Variants in TRPM2 observed in about 807,000 individuals in gnomAD.
TRPM2 encodes transient receptor potential cation channel subfamily M member 2, also known as estrogen-responsive element-associated gene 1 protein.
Under a neutral mutation model 174.0 loss-of-function variants are expected in TRPM2, and 161 were observed. That is an observed-to-expected ratio of 0.93 (90% CI 0.81 to 1.05). The LOEUF (loss-of-function observed/expected upper bound fraction) is 1.05, where lower values mean the gene tolerates loss of function less well. Ranked by LOEUF, TRPM2 falls within the 50% of genes least tolerant of loss-of-function variation. The pLI, the probability that TRPM2 is intolerant of heterozygous loss-of-function variation, is 0.00. For missense variants in TRPM2, 2,057 were observed against 2,038.0 expected (o/e 1.01, Z -0.18); for synonymous variants, 954 against 861.3 (o/e 1.11, Z -1.88).
At chr21:44,403,934 A>G (rs957788179) in intron 16 of TRPM2, among the ~76,000 whole-genome samples, 1 of 144,968 alleles carries the variant, frequency 6.9e-6, no homozygotes, top group African/African-American at 2.7e-5. Context: ...CATGTACACA[A>G]TATACACATA....
rs182133723 is a variant in TRPM2, at chr21:44,395,627, A to T, written c.1932+76A>T. The stretch of plus-strand genomic sequence containing the variant: ...CCAGCTGGGGAGTGTGGCTGGAGAG[A>T]GTGGCTGGAGAGCCTGAGGCCAAGT... On this transcript the variant is annotated intron_variant, in intron 12 of 31. Coordinates refer to ENST00000397928, the MANE Select transcript of TRPM2 (RefSeq NM_003307.4). 3.5e-5 allele frequency: 56 copies of T among 1,587,698 alleles called. No individual in the cohort carries two copies. In the African/African-American group the frequency reaches 6.9e-4, roughly 20 times the overall value.
chr21:44,362,965 G>C lies in TRPM2; in HGVS notation c.255-1149G>C, dbSNP rs1296348205. ...ATTTTTTAGATTTTAGTAGAGACAG[G>C]GTTTCACCATGTTGGCCATGTTGGT... On this transcript the variant is annotated intron_variant, in intron 2 of 31. Transcript: ENST00000397928. Among the ~76,000 whole-genome samples, 4 of 152,112 alleles carry C rather than the reference G, an allele frequency of 2.6e-5. No individual in the cohort carries two copies. In the East Asian group the frequency reaches 5.8e-4, roughly 22 times the overall value.
Position 44,354,529 on chromosome 21 carries a change from G to T in TRPM2, c.166-119G>T, listed in dbSNP as rs965120939. 1.2e-6 allele frequency: 1 copy of T among 857,388 alleles called. No individual in the cohort carries two copies. The highest frequency in any genetic ancestry group is 1.9e-6 in the Non-Finnish European group (1 of 522,358). The allele number at this position is 857,388 out of a possible 1,614,324, so 53.1% of individuals were successfully genotyped here. A position where few individuals can be genotyped will look rare whatever the true frequency, so the allele number is the denominator to read the frequency against. On this transcript the variant is annotated intron_variant, in intron 1 of 31. Transcript: ENST00000397928. The surrounding 1 kb of genome is among the most constrained non-coding windows in gnomAD (Gnocchi z 4.3). ...TAATCTTTGGCTCAGGGTCGCGCAG[G>T]CTTCCTTCCTTCAAGCAAATAGTGT...
intron 9 of TRPM2, among the ~76,000 whole-genome samples, chr21:44,389,511 C>T (rs2049109262): frequency 6.6e-6 from 1 of 152,138 alleles, no homozygotes; most frequent in Admixed American, 6.6e-5. Flanking sequence ...TTCCTGTGTG[C>T]TGGCAGTGGA....
chr21:44,420,685 G>A (rs544698470), intron 22 of TRPM2, among the ~76,000 whole-genome samples: 1 of 152,346 alleles, frequency 6.6e-6, no homozygotes, highest in South Asian at 2.1e-4. Flanking sequence ...CAGATGCTGG[G>A]GGAAGGTGCT....
At chr21:44,388,343 C>T (rs1424699057) in intron 9 of TRPM2, among the ~76,000 whole-genome samples, 1 of 152,026 alleles carries the variant, frequency 6.6e-6, no homozygotes, top group Non-Finnish European at 1.5e-5. Context: ...TACAAGAGGT[C>T]CCTGGAGTAG....
rs1390834072 is a variant in TRPM2 at position 44,423,628 on chromosome 21, G to T, written c.3462-17G>T. 5.0e-6 allele frequency: 8 copies of T among 1,608,450 alleles called. No homozygotes were observed. Among genetic ancestry groups the T allele is most frequent in the Non-Finnish European group, 6.8e-6 (8 of 1,178,068 alleles). On this transcript the variant is annotated splice_polypyrimidine_tract_variant and intron_variant, in intron 22 of 31. Coordinates refer to ENST00000397928, the MANE Select transcript of TRPM2 (RefSeq NM_003307.4). ...CAAGGTGTGGTGTGCGTCCAGCTCA[G>T]CTGCTTCCTCTTTCAGGGTTGACGC...
At chr21:44,409,542 G>GCGC (rs2050018235) in intron 19 of TRPM2, among the ~76,000 whole-genome samples, 1 of 147,372 alleles carries the variant, frequency 6.8e-6, no homozygotes, top group African/African-American at 2.5e-5. Context: ...AGTTTTGATC[G>GCGC]TGCTGTCTTG....
intron 11 of TRPM2, among the ~76,000 whole-genome samples, chr21:44,394,667 G>A (rs1484399200): frequency 6.6e-6 from 1 of 151,788 alleles, no homozygotes; most frequent in African/African-American, 2.4e-5. Flanking sequence ...CTTAAGTCCA[G>A]TGCGTTTATT....
chr21:44,400,233 C>T (rs2049569860), intron 14 of TRPM2, 26 bp from the exon 15 acceptor site: 8 of 1,597,984 alleles, frequency 5.0e-6, no homozygotes, highest in Non-Finnish European at 6.8e-6. Flanking sequence ...TGGGCACTGC[C>T]ATCCTGAGAC....
intron 22 of TRPM2, among the ~76,000 whole-genome samples, chr21:44,419,692 G>A (rs1276325439): frequency 6.8e-6 from 1 of 147,118 alleles, no homozygotes; most frequent in Non-Finnish European, 1.5e-5. Context: ...TCTGATGGCT[G>A]TAATGGAAGT....
rs573320087 is a variant in TRPM2, at chr21:44,441,712, G to A, written c.4407G>A (p.Ser1469=). Residue 1469 remains serine (S), a synonymous_variant, in exon 32 of 32, where the codon TCG becomes TCA. Transcript: ENST00000397928. ...RLNSNLHACD[S]GASIRWQVVD... is the part of the protein sequence containing the mutation. The stretch of plus-strand genomic sequence containing the variant: ...TCCAGAACCTGCACGCCTGCGACTC[G>A]GGGGCCTCCATCCGATGGCAGGTGG... 6.6e-5 allele frequency: 106 copies of A among 1,611,046 alleles called. 1 individual carries two copies. The South Asian group carries it at 1.0e-3, about 15-fold the overall frequency.
chr21:44,406,469 G>A, intron 18 of TRPM2, 125 bp from the exon 19 acceptor site: 1 of 1,202,062 alleles, frequency 8.3e-7, no homozygotes, highest in South Asian at 1.6e-5. Flanking sequence ...GCTCCTGGGA[G>A]CCTCCTGCAT....
Position 44,374,104 on chromosome 21 carries a change from G to A in TRPM2, c.772-1729G>A, listed in dbSNP as rs1307382900. 2.6e-5 allele frequency among the ~76,000 whole-genome samples: 4 copies of A among 151,642 alleles called. No homozygotes were observed. The East Asian group carries it at 5.8e-4, about 22-fold the overall frequency. On this transcript the variant is annotated intron_variant, in intron 5 of 31. Coordinates refer to ENST00000397928, the MANE Select transcript of TRPM2 (RefSeq NM_003307.4). Reference sequence around the variant, plus strand: ...TGGCTCACTGCAACCTCCACCTTCCGGGTTCAAGCAAATCTCCCACCTTAG... The same window carrying A: ...TGGCTCACTGCAACCTCCACCTTCCAGGTTCAAGCAAATCTCCCACCTTAG...
chr21:44,412,834 TTA>T (rs1219048697), intron 19 of TRPM2, among the ~76,000 whole-genome samples: 2 of 152,126 alleles, frequency 1.3e-5, no homozygotes, highest in African/African-American at 4.8e-5. Context: ...CAGCTCTTCT[TTA>T]TTAATATAGG....
chr21:44,400,987 C>T (rs1343860572), intron 15 of TRPM2, among the ~76,000 whole-genome samples: 1 of 152,198 alleles, frequency 6.6e-6, no homozygotes, highest in Non-Finnish European at 1.5e-5. Context: ...GGCTGAGCCC[C>T]TTCTGCAACC....
chr21:44,353,408 G>A (rs542019590), upstream of TRPM2: 275 of 264,048 alleles, frequency 1.0e-3, 1 homozygote, highest in African/African-American at 5.4e-3. Context: ...CATTATGAAC[G>A]GCCGCTGGGA....
chr21:44,380,962 C>T (rs1032200661), intron 8 of TRPM2, among the ~76,000 whole-genome samples: 3 of 152,126 alleles, frequency 2.0e-5, no homozygotes, highest in Non-Finnish European at 2.9e-5. Context: ...TGGGCTCAGA[C>T]GCTGGGAGCT....
intron 20 of TRPM2, 24 bp from the exon 21 acceptor site, chr21:44,417,903 G>T (rs1472835438): frequency 6.2e-7 from 1 of 1,602,914 alleles, no homozygotes; most frequent in Non-Finnish European, 8.5e-7. Context: ...TGACCTCGAG[G>T]TGTTGCTTTC....
Sources: allele counts gnomAD v4.1 joint callset (sites outside exome capture counted in the v4.1 genomes callset), GRCh38; gene constraint gnomAD v4.1.1; non-coding constraint Gnocchi (gnomAD v3.1); transcripts MANE v1.5; gene names NCBI Gene and HGNC (gene_info 2026-07-23, HGNC 2026-07-21).